Variants in CALN1 observed in about 807,000 individuals in gnomAD.
CALN1 encodes calcium-binding protein 8.
Under a neutral mutation model 30.6 loss-of-function variants are expected in CALN1, and 17 were observed. That is an observed-to-expected ratio of 0.56 (90% confidence interval 0.38 to 0.83). CALN1 has a LOEUF of 0.83. Ranked by LOEUF, CALN1 falls within the 40% of genes least tolerant of loss-of-function variation. CALN1 has a pLI of 0.00. For synonymous variants in CALN1, 156 were observed against 131.4 expected, an observed-to-expected ratio of 1.19 and a Z score of -1.28; for missense variants, 291 against 354.9, an observed-to-expected ratio of 0.82 and a Z score of 1.45.
At chr7:72,451,141 AG>A (rs1808646997), upstream of CALN1, among the ~76,000 whole-genome samples, 1 of 150,414 alleles carries the variant, frequency 6.6e-6, no homozygotes, top group Non-Finnish European at 1.5e-5. Context: ...GAGAAGAAGA[AG>A]GAGAAGGAGA....
At chr7:71,938,777 G>A (rs977412020) in intron 5 of CALN1, among the ~76,000 whole-genome samples, 6 of 152,012 alleles carry the variant, frequency 3.9e-5, no homozygotes, top group African/African-American at 9.7e-5. Context: ...GCGATAGAAC[G>A]AAACTCTGTC....
intron 2 of CALN1, among the ~76,000 whole-genome samples, chr7:72,365,908 C>G (rs927927236): frequency 6.6e-6 from 1 of 152,108 alleles, no homozygotes; most frequent in African/African-American, 2.4e-5. Context: ...TTCATCATTT[C>G]AAGAAGGAAA....
Position 72,030,503 on chromosome 7 carries a change from G to A in CALN1, c.389-6734C>T, listed in dbSNP as rs1019413039. ...TAATTTAACAGACAAACAGGGCTGG[G>A]AATACCCCCCAAAAGTTATCAGCAT... On this transcript the variant is annotated intron_variant, in intron 4 of 6. Coordinates refer to ENST00000395275, the MANE Select transcript of CALN1 (RefSeq NM_031468.4). Among the ~76,000 whole-genome samples the A allele has an allele frequency of 2.0e-5, 3 of 152,162 alleles. No individual in the cohort carries two copies. The East Asian group carries it at 5.8e-4, about 29-fold the overall frequency.
intron 5 of CALN1, among the ~76,000 whole-genome samples, chr7:72,012,493 A>G (rs1424360140): frequency 5.3e-5 from 8 of 152,260 alleles, no homozygotes; most frequent in Admixed American, 1.3e-4. Flanking sequence ...GCCTGGCAAC[A>G]GAGTGAGACT....
intron 2 of CALN1, among the ~76,000 whole-genome samples, chr7:72,315,470 GC>G: frequency 1.3e-5 from 2 of 152,198 alleles, no homozygotes; most frequent in East Asian, 3.9e-4. Flanking sequence ...AAAAACAGAG[GC>G]CGAGGCGGGA....
chr7:72,325,202 G>A (rs903277746), intron 2 of CALN1, among the ~76,000 whole-genome samples: 1 of 152,100 alleles, frequency 6.6e-6, no homozygotes, highest in African/African-American at 2.4e-5. Context: ...GGAAGCTGAG[G>A]TGGGAAAATC....
chr7:72,139,293 G>A (rs531945181), intron 3 of CALN1, among the ~76,000 whole-genome samples: 38 of 151,344 alleles, frequency 2.5e-4, no homozygotes, highest in African/African-American at 8.7e-4. Context: ...TAAGCACCTC[G>A]GCCACACCCA....
intron 2 of CALN1, among the ~76,000 whole-genome samples, chr7:72,377,839 C>G (rs2129560656): frequency 6.6e-6 from 1 of 152,262 alleles, no homozygotes; most frequent in African/African-American, 2.4e-5. Flanking sequence ...TGCGTAGAAG[C>G]TGAAGGTCAG....
chr7:72,469,522 G>A, the CALN1 span, among the ~76,000 whole-genome samples: 1 of 152,114 alleles, frequency 6.6e-6, no homozygotes, highest in Non-Finnish European at 1.5e-5. Flanking sequence ...TCAGCCTCCT[G>A]AGTACCTAGG....
intron 2 of CALN1, among the ~76,000 whole-genome samples, chr7:72,365,932 A>C (rs550049060): frequency 3.4e-4 from 52 of 152,306 alleles, no homozygotes; most frequent in African/African-American, 1.2e-3. Flanking sequence ...GACAAGTATC[A>C]AAGTTTTAAA....
intron 2 of CALN1, among the ~76,000 whole-genome samples, chr7:72,392,213 T>C (rs1249888379): frequency 1.3e-5 from 2 of 152,054 alleles, no homozygotes; most frequent in African/African-American, 4.8e-5. Context: ...ATGGAAGTGA[T>C]CAAATAATGT....
chr7:71,988,220 A>G (rs1325844922), intron 5 of CALN1, among the ~76,000 whole-genome samples: 4 of 152,198 alleles, frequency 2.6e-5, no homozygotes, highest in Non-Finnish European at 5.9e-5. Flanking sequence ...TGTGTAAATC[A>G]TATCCCCACT....
chr7:72,489,265 G>A, the CALN1 span, among the ~76,000 whole-genome samples: 3 of 152,316 alleles, frequency 2.0e-5, no homozygotes, highest in Admixed American at 1.3e-4. Context: ...AAAGAATCAC[G>A]ATAGCTTTTC....
chr7:72,027,143 A>G (rs1031915130), intron 4 of CALN1, among the ~76,000 whole-genome samples: 1 of 152,244 alleles, frequency 6.6e-6, no homozygotes, highest in African/African-American at 2.4e-5. Flanking sequence ...TACATAATAC[A>G]CAGTGTATCT....
chr7:72,247,223 CTTTCTTTTTTTTTTTTTTTTTT>C (rs1795237169), intron 3 of CALN1, among the ~76,000 whole-genome samples: 3 of 43,526 alleles, frequency 6.9e-5, no homozygotes, highest in African/African-American at 1.2e-4. Flanking sequence ...AGACCATTTT[CTTTCTTTTTTTTTTTTTTTTTT>C]TTTTTTTTTT....
At chr7:72,283,250 C>T (rs926918867) in intron 2 of CALN1, among the ~76,000 whole-genome samples, 1 of 152,058 alleles carries the variant, frequency 6.6e-6, no homozygotes. Flanking sequence ...AACGGCCAGG[C>T]ATGGTGGCTC....
chr7:72,089,870 C>T (rs1006534335), intron 4 of CALN1, among the ~76,000 whole-genome samples: 1 of 152,134 alleles, frequency 6.6e-6, no homozygotes, highest in Non-Finnish European at 1.5e-5. Context: ...CTACAAGGCA[C>T]ATGGGTAATG....
chr7:72,119,524 A>G (rs1335406511), intron 3 of CALN1, among the ~76,000 whole-genome samples: 1 of 152,010 alleles, frequency 6.6e-6, no homozygotes, highest in Non-Finnish European at 1.5e-5. Flanking sequence ...AAGGAAAAAA[A>G]AAAACCAGAG....
chr7:72,313,643 C>T (rs11766995), intron 2 of CALN1, among the ~76,000 whole-genome samples: 4,106 of 152,234 alleles, frequency 0.027, 112 homozygotes, highest in Non-Finnish European at 0.034. Context: ...GCAATCCTCC[C>T]ACCTTGGCCT....
Sources: allele counts gnomAD v4.1 joint callset (sites outside exome capture counted in the v4.1 genomes callset), GRCh38; gene constraint gnomAD v4.1.1; transcripts MANE v1.5; gene names NCBI Gene and HGNC (gene_info 2026-07-23, HGNC 2026-07-21).